The following CHAF1A variants were observed in gnomAD, a reference collection of about 807,000 sequenced individuals.
CHAF1A encodes the protein CAF-1 subunit A.
CHAF1A carries 5 observed loss-of-function variants against 93.2 expected under a neutral mutation model. The ratio of observed to expected loss-of-function variants is 0.05; its 90% CI spans 0.03 to 0.11. The LOEUF is 0.11. Among genes scored for constraint, CHAF1A ranks in the 10% least tolerant of loss-of-function variants. The probability of loss-of-function intolerance (pLI) is 1.00; values close to 1 mark genes in which losing one functional copy is unlikely to be tolerated. For missense variants in CHAF1A, 1,102 were observed against 1,259.9 expected (o/e 0.87, Z 1.90); for synonymous variants, 504 against 510.3 (o/e 0.99, Z 0.17).
At chr19:4,446,601 C>T (rs757170638), downstream of CHAF1A, 20 of 1,612,602 alleles carry the variant, frequency 1.2e-5, no homozygotes, top group Non-Finnish European at 1.6e-5. Flanking sequence ...AGACGCGGCG[C>T]TGCCTGTCCA....
chr19:4,424,498 C>T (rs868834013), intron 7 of CHAF1A, among the ~76,000 whole-genome samples: 1 of 152,220 alleles, frequency 6.6e-6, no homozygotes, highest in Non-Finnish European at 1.5e-5. Flanking sequence ...CAGGGTCTCA[C>T]TGTCACCCAG....
At chr19:4,431,445 C>A (rs1293289214) in intron 11 of CHAF1A, among the ~76,000 whole-genome samples, 1 of 152,026 alleles carries the variant, frequency 6.6e-6, no homozygotes, top group Non-Finnish European at 1.5e-5. Flanking sequence ...TGCTTTCAAG[C>A]AAGTTGTTTT....
chr19:4,435,087 C>CTTTTTTTTTTTTTT (rs869255408), intron 13 of CHAF1A, among the ~76,000 whole-genome samples: 5 of 87,966 alleles, frequency 5.7e-5, no homozygotes, highest in South Asian at 4.3e-4. Flanking sequence ...CTTTTTTTTC[C>CTTTTTTTTTTTTTT]TTTTTTTTTT....
At chr19:4,412,589 G>C (rs981755942) in intron 3 of CHAF1A, among the ~76,000 whole-genome samples, 1 of 152,096 alleles carries the variant, frequency 6.6e-6, no homozygotes, top group African/African-American at 2.4e-5. Flanking sequence ...TTTCCATTAA[G>C]TTTGTTTCCA....
At chr19:4,430,330 A>C (rs1004962371) in intron 10 of CHAF1A, among the ~76,000 whole-genome samples, 9 of 152,126 alleles carry the variant, frequency 5.9e-5, no homozygotes, top group Admixed American at 2.0e-4. Flanking sequence ...GGTGCGTGCC[A>C]CCATGCCCAG....
At chr19:4,418,572 C>T (rs1249466897) in intron 4 of CHAF1A, among the ~76,000 whole-genome samples, 2 of 151,602 alleles carry the variant, frequency 1.3e-5, no homozygotes, top group Non-Finnish European at 2.9e-5. Flanking sequence ...TCCACCACCA[C>T]GCCTGGCTAA....
Position 4,433,821 on chromosome 19 carries a change from C to T in CHAF1A, c.2673+282C>T, listed in dbSNP as rs1411213207. On this transcript the variant is annotated intron_variant, in intron 13 of 14. Coordinates refer to ENST00000301280, the MANE Select transcript of CHAF1A (RefSeq NM_005483.3). The surrounding 1 kb of genome is among the most constrained non-coding windows in gnomAD (Gnocchi z 5.6). ...TTCACCATGTTGGTCAGGCTGGTCT[C>T]GAACTCCTGACCTCATGATCCGTCT... Among the ~76,000 whole-genome samples the T allele has an allele frequency of 1.3e-5, 2 of 152,010 alleles. No homozygotes were observed. The highest frequency in any genetic ancestry group is 4.2e-4 in the South Asian group (2 of 4,810).
rs1973750688 is a variant in CHAF1A, at chr19:4,409,504, G to A, written c.705G>A (p.Gly235=). 1 of 1,614,152 alleles carries A rather than the reference G, an allele frequency of 6.2e-7. No homozygotes were observed. The highest frequency in any genetic ancestry group is 8.5e-7 in the Non-Finnish European group (1 of 1,180,028). The part of the protein sequence containing the change: ...WSEAGGILFK[G]KVPMVVLQDI... ...AAGCTGGGGGCATCCTGTTCAAAGGGAAGGTGCCTATGGTGGTCTTGCAGG... is the reference window on the plus strand; with the variant it reads ...AAGCTGGGGGCATCCTGTTCAAAGGAAAGGTGCCTATGGTGGTCTTGCAGG... Residue 235 remains glycine, a synonymous_variant, in exon 3 of 15, where the codon GGG becomes GGA. Transcript: ENST00000301280.
downstream of CHAF1A, chr19:4,446,138 G>A: frequency 1.2e-6 from 2 of 1,612,108 alleles, no homozygotes; most frequent in African/African-American, 1.3e-5. Context: ...CAGTCGCTCT[G>A]CAGGGCCTCC....
rs11406470 is a variant in CHAF1A, at chr19:4,419,029, ATTTTT to A, written c.1017+973_1017+977del. 2.2e-3 allele frequency among the ~76,000 whole-genome samples: 213 copies of A among 96,454 alleles called. No homozygotes were observed. In the East Asian group the frequency reaches 0.03, roughly 14 times the overall value. The allele number at this position is 96,454 out of a possible 152,430, so 63.3% of individuals were successfully genotyped here. A position where few individuals can be genotyped will look rare whatever the true frequency, so the allele number is the denominator to read the frequency against. On this transcript the variant is annotated intron_variant, in intron 4 of 14. Transcript: ENST00000301280. ...AGGCACTTGCTGCCATAGCCAGCTAATTTTTTTTTTTTTTTTTTTTTTTTGTATTT... is the reference window on the plus strand; with the variant it reads ...AGGCACTTGCTGCCATAGCCAGCTAATTTTTTTTTTTTTTTTTTTGTATTT...
Position 4,405,795 on chromosome 19 carries a change from G to A in CHAF1A, c.53-117G>A, listed in dbSNP as rs535098334. The A allele has an allele frequency of 4.1e-5, 35 of 844,826 alleles. No homozygotes were observed. The African/African-American group carries it at 4.7e-4, about 11-fold the overall frequency. The allele number at this position is 844,826 out of a possible 1,614,324, so 52.3% of individuals were successfully genotyped here. On this transcript the variant is annotated intron_variant, in intron 1 of 14. Transcript: ENST00000301280. ...CTCTAGACTGTGTCAAATGGCCCCC[G>A]AGGACAGAGGGGTCAGAATTGCCTC...
In CHAF1A at chr19:4,442,233, C is replaced by G. The variant is rs1974404356; in HGVS notation, c.2674-12C>G. 1 of 1,613,100 alleles carries G rather than the reference C, an allele frequency of 6.2e-7. No individual in the cohort carries two copies. Among genetic ancestry groups the G allele is most frequent in the Non-Finnish European group, 8.5e-7 (1 of 1,179,262 alleles). On this transcript the variant is annotated splice_polypyrimidine_tract_variant and intron_variant, in intron 13 of 14. Transcript: ENST00000301280. ...CCTGCAGTGCTGATGGCCGTGTACC[C>G]TGTCTGTCCAGATTGGTGCTGAAGA...
At position 4,409,194 on chromosome 19, in the gene CHAF1A, A is replaced by G; in HGVS notation, c.395A>G (p.Asp132Gly). Residue 132 changes from aspartate to glycine, a missense_variant, in exon 3 of 15, where the codon GAC becomes GGC. Around this residue, in one of 6 missense-constraint regions of CHAF1A, gnomAD observed 379 missense variants for 365.7 expected, o/e 1.04. Coordinates refer to ENST00000301280, the MANE Select transcript of CHAF1A (RefSeq NM_005483.3). ...DSNEQPDSLV[D>G]HNKLNSEASP... ...AATGAGCAGCCAGACAGTCTTGTGGACCACAATAAACTAAATTCTGAAGCC... is the reference window on the plus strand; with the variant it reads ...AATGAGCAGCCAGACAGTCTTGTGGGCCACAATAAACTAAATTCTGAAGCC... The G allele has an allele frequency of 6.2e-7, 1 of 1,614,226 alleles. No homozygotes were observed. Among genetic ancestry groups the G allele is most frequent in the South Asian group, 1.1e-5 (1 of 91,084 alleles).
At chr19:4,412,010 T>C (rs1973814352) in intron 3 of CHAF1A, among the ~76,000 whole-genome samples, 1 of 152,118 alleles carries the variant, frequency 6.6e-6, no homozygotes, top group South Asian at 2.1e-4. Context: ...GGGGGTTTGT[T>C]GTACAGATTA....
Position 4,433,434 on chromosome 19 carries a change from C to A in CHAF1A, c.2568C>A (p.Val856=), listed in dbSNP as rs200969600. 11 of 1,609,936 alleles carry A rather than the reference C, an allele frequency of 6.8e-6. No individual in the cohort carries two copies. The African/African-American group carries it at 1.1e-4, about 16-fold the overall frequency. The change falls in exon 13 of 15, where the codon GTC becomes GTA. Residue 856 remains valine, a synonymous_variant. Transcript: ENST00000301280. This position sits in a 1 kb window ranked among gnomAD's most constrained non-coding sequence, Gnocchi z 5.6. ...CCCCCAAAGAGGACAGTGGCAGCGT[C>A]CCCTCCACGGGGCCCAGCCAGGGCA... ...PSAPKEDSGS[V]PSTGPSQGTP...
downstream of CHAF1A, chr19:4,445,842 T>C: frequency 9.7e-7 from 1 of 1,034,884 alleles, no homozygotes. Flanking sequence ...CCGCTCCCAT[T>C]TGATGGGGAA....
intron 4 of CHAF1A, among the ~76,000 whole-genome samples, chr19:4,420,013 C>T (rs376622490): frequency 6.6e-6 from 1 of 152,146 alleles, no homozygotes. Flanking sequence ...AGCACACTGG[C>T]AGGAAATGCA....
In CHAF1A at chr19:4,422,815, A is replaced by G; in HGVS notation, c.1247+20A>G. On this transcript the variant is annotated intron_variant, in intron 5 of 14. Coordinates refer to ENST00000301280, the MANE Select transcript of CHAF1A (RefSeq NM_005483.3). This position sits in a 1 kb window ranked among gnomAD's most constrained non-coding sequence, Gnocchi z 4.6. Reference sequence around the variant, plus strand: ...CCTGGAGTGAGTGTCCTTGGAGGCCATGCTGGGCCCGCCACCCTGCTGCTG... The same window carrying G: ...CCTGGAGTGAGTGTCCTTGGAGGCCGTGCTGGGCCCGCCACCCTGCTGCTG... The G allele has an allele frequency of 1.2e-6, 2 of 1,607,538 alleles. No homozygotes were observed. Among genetic ancestry groups the G allele is most frequent in the Non-Finnish European group, 1.7e-6 (2 of 1,176,106 alleles).
intron 4 of CHAF1A, among the ~76,000 whole-genome samples, chr19:4,420,252 T>C (rs1973967606): frequency 6.6e-6 from 1 of 151,984 alleles, no homozygotes; most frequent in Non-Finnish European, 1.5e-5. Context: ...AGCGTTTTTT[T>C]TTTTTATTTT....
Sources: gnomAD v4.1 joint callset for allele counts (sites outside exome capture counted in the v4.1 genomes callset) on GRCh38, gnomAD v4.1.1 for gene constraint, gnomAD v4.1.1 regional missense constraint, Gnocchi (gnomAD v3.1) non-coding constraint, MANE v1.5 for transcripts, NCBI Gene and HGNC (gene_info 2026-07-23, HGNC 2026-07-21) for gene names.